ASTN2: variants seen among roughly 807,000 people sequenced by gnomAD.
The protein encoded by ASTN2 is astrotactin-2.
Under a neutral mutation model 139.8 loss-of-function variants are expected in ASTN2, and 54 were observed. That is an observed-to-expected ratio of 0.39 (90% CI 0.31 to 0.48). The LOEUF is 0.48. ASTN2 is among the 20% of genes least tolerant of loss of function. ASTN2 has a pLI of 0.95. For missense variants in ASTN2, 1,565 were observed against 1,725.1 expected, an observed-to-expected ratio of 0.91 and a Z score of 1.64; for synonymous variants, 756 against 719.5, an observed-to-expected ratio of 1.05 and a Z score of -0.81.
chr9:117,192,988 C>G (rs933204999), intron 3 of ASTN2, among the ~76,000 whole-genome samples: 4 of 152,130 alleles, frequency 2.6e-5, no homozygotes, highest in African/African-American at 9.7e-5. Flanking sequence ...TTAACTGTGA[C>G]CTTTTAGGGA....
chr9:117,141,438 C>T lies in ASTN2; in HGVS notation c.1056G>A (p.Met352Ile). 1.5e-6 allele frequency: 2 copies of T among 1,367,480 alleles called. No individual in the cohort carries two copies. The highest frequency in any genetic ancestry group is 1.5e-5 in the African/African-American group (1 of 67,864). 84.7% of individuals were successfully genotyped at this position (1,367,480 alleles called of 1,614,324 possible). A position where few individuals can be genotyped will look rare whatever the true frequency, so the allele number is the denominator to read the frequency against. ...EATQETVESL[M>I]QKFKESFRAN... is the part of the protein sequence containing the mutation. ...CGCGGAAACTCTCCTTGAACTTCTGCATCAGGGACTCCACTGTCTCCTGAG... is the reference window on the plus strand; with the variant it reads ...CGCGGAAACTCTCCTTGAACTTCTGTATCAGGGACTCCACTGTCTCCTGAG... The change falls in exon 4 of 23, where the codon ATG (methionine) becomes ATA (isoleucine). Residue 352 changes from methionine (M) to isoleucine (I), a missense_variant. Physicochemically the swap from Met to Ile is conservative, Grantham distance 10. This residue lies in a region of ASTN2 where 596 missense variants were observed against 576.8 expected (regional missense o/e 1.03). Coordinates refer to ENST00000313400, the MANE Select transcript of ASTN2 (RefSeq NM_001365068.1).
At chr9:116,793,460 C>T (rs534452499) in intron 13 of ASTN2, among the ~76,000 whole-genome samples, 2 of 152,122 alleles carry the variant, frequency 1.3e-5, no homozygotes, top group Non-Finnish European at 2.9e-5. Flanking sequence ...GGAGGAAGAT[C>T]TATAAACATT....
chr9:116,989,870 T>C (rs774918217), intron 7 of ASTN2, among the ~76,000 whole-genome samples: 6 of 152,008 alleles, frequency 3.9e-5, no homozygotes, highest in Non-Finnish European at 8.8e-5. Context: ...AGGCTTCTGC[T>C]TTATGTTTTC....
intron 1 of ASTN2, among the ~76,000 whole-genome samples, chr9:117,321,951 G>A (rs1366705704): frequency 1.3e-5 from 2 of 152,146 alleles, no homozygotes; most frequent in African/African-American, 4.8e-5. Context: ...CTGCTGTAAA[G>A]AGAAAATGAT....
intron 19 of ASTN2, among the ~76,000 whole-genome samples, chr9:116,500,856 A>T (rs1212357181): frequency 6.6e-6 from 1 of 152,208 alleles, no homozygotes; most frequent in African/African-American, 2.4e-5. Context: ...CTGTTATTTT[A>T]AAAAATACCA....
At chr9:116,531,104 C>G (rs1006517544) in intron 19 of ASTN2, among the ~76,000 whole-genome samples, 3 of 152,138 alleles carry the variant, frequency 2.0e-5, no homozygotes, top group African/African-American at 7.2e-5. Flanking sequence ...CCCATCTCAT[C>G]CATTAGTCTG....
intron 16 of ASTN2, among the ~76,000 whole-genome samples, chr9:116,672,968 A>G (rs1240205379): frequency 6.6e-6 from 1 of 152,234 alleles, no homozygotes; most frequent in East Asian, 1.9e-4. Flanking sequence ...CAACCAATTG[A>G]GACAAGAAAA....
At chr9:116,818,565 C>A (rs1831400284) in intron 12 of ASTN2, among the ~76,000 whole-genome samples, 1 of 152,150 alleles carries the variant, frequency 6.6e-6, no homozygotes, top group Non-Finnish European at 1.5e-5. Flanking sequence ...CACACACTCT[C>A]ACCCATTCAA....
intron 6 of ASTN2, among the ~76,000 whole-genome samples, chr9:117,034,011 G>T (rs542500762): frequency 6.6e-6 from 1 of 152,066 alleles, no homozygotes; most frequent in African/African-American, 2.4e-5. Context: ...AGGTCATTAG[G>T]TATCTACAGT....
At chr9:117,132,920 C>G (rs1389415411) in intron 4 of ASTN2, among the ~76,000 whole-genome samples, 1 of 152,142 alleles carries the variant, frequency 6.6e-6, no homozygotes, top group Non-Finnish European at 1.5e-5. Context: ...AGCATATTCT[C>G]ACGACAGTCC....
At chr9:116,953,973 G>T (rs1740847986) in intron 10 of ASTN2, among the ~76,000 whole-genome samples, 1 of 152,176 alleles carries the variant, frequency 6.6e-6, no homozygotes, top group South Asian at 2.1e-4. Context: ...ACCTGTCCAT[G>T]TATGTATGGA....
intron 16 of ASTN2, among the ~76,000 whole-genome samples, chr9:116,666,121 G>C (rs1349139341): frequency 1.3e-5 from 2 of 152,164 alleles, no homozygotes; most frequent in Non-Finnish European, 2.9e-5. Flanking sequence ...TCCTAAAACT[G>C]CTAGGAGAAA....
intron 7 of ASTN2, among the ~76,000 whole-genome samples, chr9:117,005,706 T>C (rs1373725489): frequency 3.3e-5 from 5 of 152,068 alleles, no homozygotes; most frequent in African/African-American, 1.2e-4. Context: ...GAACTTAAAG[T>C]GACCCATATC....
At chr9:116,946,489 C>T (rs983079484) in intron 10 of ASTN2, among the ~76,000 whole-genome samples, 2 of 152,012 alleles carry the variant, frequency 1.3e-5, no homozygotes, top group African/African-American at 4.8e-5. Flanking sequence ...TTTCTGTAGC[C>T]AAAGGGCAAA....
At chr9:117,154,235 C>T (rs990140512) in intron 3 of ASTN2, among the ~76,000 whole-genome samples, 1 of 151,986 alleles carries the variant, frequency 6.6e-6, no homozygotes, top group African/African-American at 2.4e-5. Context: ...TGGATTGAGG[C>T]TAAGTTGGCG....
intron 19 of ASTN2, chr9:116,583,638 CA>C (rs1331956136): frequency 6.6e-6 from 1 of 151,858 alleles, no homozygotes; most frequent in Non-Finnish European, 1.5e-5. Flanking sequence ...AGCAACTTTC[CA>C]AAAGCCACAG....
intron 3 of ASTN2, among the ~76,000 whole-genome samples, chr9:117,211,796 T>C (rs1429567569): frequency 6.6e-6 from 1 of 151,960 alleles, no homozygotes; most frequent in Non-Finnish European, 1.5e-5. Context: ...GGAAATCCCA[T>C]CTACAACAGC....
intron 1 of ASTN2, among the ~76,000 whole-genome samples, chr9:117,350,770 T>A (rs994667155): frequency 1.3e-5 from 2 of 152,116 alleles, no homozygotes; most frequent in Non-Finnish European, 2.9e-5. Flanking sequence ...AGGCTAAGAA[T>A]GTTAGCAAGT....
At chr9:116,539,696 T>A (rs567467560) in intron 19 of ASTN2, among the ~76,000 whole-genome samples, 1 of 152,298 alleles carries the variant, frequency 6.6e-6, no homozygotes, top group African/African-American at 2.4e-5. Context: ...AACGGGTGTA[T>A]ACGCTGGACA....
Sources: allele counts gnomAD v4.1 joint callset (sites outside exome capture counted in the v4.1 genomes callset), GRCh38; gene constraint gnomAD v4.1.1; regional missense constraint gnomAD v4.1.1; transcripts MANE v1.5; gene names NCBI Gene and HGNC (gene_info 2026-07-23, HGNC 2026-07-21).